RERE: variants seen among roughly 807,000 people sequenced by gnomAD.
RERE encodes the protein arginine-glutamic acid dipeptide repeats protein.
A neutral mutation model predicts 146.1 loss-of-function variants in RERE; 40 were observed. The observed-to-expected ratio is 0.27, with a 90% CI of 0.21 to 0.36. The LOEUF is 0.36. Ranked by LOEUF, RERE falls within the 10% of genes least tolerant of loss-of-function variation. The pLI, the probability that RERE is intolerant of heterozygous loss-of-function variation, is 1.00. For missense variants in RERE, 1,933 were observed against 2,138.7 expected (o/e 0.90, Z 1.90); for synonymous variants, 1,003 against 866.0 (o/e 1.16, Z -2.78).
In RERE at chr1:8,610,140, A is replaced by G. The variant is rs2124178691; in HGVS notation, c.522+4421T>C. Reference sequence around the variant, plus strand: ...TAATCTTAACTTTTAAATTATTTTCAACACCTAAGCAATCTACTGATTAGC... The same window carrying G: ...TAATCTTAACTTTTAAATTATTTTCGACACCTAAGCAATCTACTGATTAGC... On this transcript the variant is annotated intron_variant, in intron 4 of 22. Coordinates refer to ENST00000400908, the MANE Select transcript of RERE (RefSeq NM_001042681.2). 1.3e-5 allele frequency among the ~76,000 whole-genome samples: 2 copies of G among 152,322 alleles called. 1 individual carries two copies. Among genetic ancestry groups the G allele is most frequent in the South Asian group, 4.1e-4 (2 of 4,828 alleles).
At chr1:8,792,847 C>T (rs529232431) in intron 1 of RERE, among the ~76,000 whole-genome samples, 34 of 152,068 alleles carry the variant, frequency 2.2e-4, no homozygotes, top group African/African-American at 7.9e-4. Context: ...CTGTGAGGAT[C>T]GGATAGCGGA....
chr1:8,705,154 G>T (rs1234805873), intron 1 of RERE, among the ~76,000 whole-genome samples: 2 of 152,154 alleles, frequency 1.3e-5, no homozygotes, highest in Non-Finnish European at 2.9e-5. Context: ...CCAGTTTATA[G>T]TGAGTTGGAA....
chr1:8,786,217 G>A, intron 1 of RERE: 1 of 891,160 alleles, frequency 1.1e-6, no homozygotes, highest in Non-Finnish European at 1.8e-6. Context: ...CTTCTAAGAA[G>A]CCTGTGGATC....
intron 1 of RERE, among the ~76,000 whole-genome samples, chr1:8,668,623 A>G (rs1638631649): frequency 6.6e-6 from 1 of 152,258 alleles, no homozygotes; most frequent in Non-Finnish European, 1.5e-5. Context: ...TAAAATATCC[A>G]GCAATAAGAA....
At chr1:8,575,534 A>AATATATATATATAT (rs67724601) in intron 4 of RERE, among the ~76,000 whole-genome samples, 6 of 114,074 alleles carry the variant, frequency 5.3e-5, no homozygotes, top group African/African-American at 2.1e-4. Context: ...TGGCTAATTT[A>AATATATATATATAT]ATATATATAT....
intron 10 of RERE, among the ~76,000 whole-genome samples, chr1:8,489,079 T>A (rs1644942010): frequency 6.6e-6 from 1 of 152,070 alleles, no homozygotes; most frequent in South Asian, 2.1e-4. Context: ...GTGCGGTGGC[T>A]CATGTCTTAA....
At chr1:8,374,843 G>T (rs1642177858) in intron 12 of RERE, among the ~76,000 whole-genome samples, 1 of 152,112 alleles carries the variant, frequency 6.6e-6, no homozygotes, top group African/African-American at 2.4e-5. Context: ...GCACTCTCCT[G>T]CCTGCTGGGT....
At chr1:8,359,033 T>C in intron 19 of RERE, 117 bp from the exon 20 acceptor site, 1 of 1,299,972 alleles carries the variant, frequency 7.7e-7, no homozygotes, top group South Asian at 1.7e-5. Context: ...GCCAACCTGG[T>C]CCCTCCACGG....
intron 4 of RERE, among the ~76,000 whole-genome samples, chr1:8,600,323 C>T (rs577642971): frequency 6.6e-5 from 10 of 152,302 alleles, no homozygotes; most frequent in South Asian, 2.1e-4. Flanking sequence ...CACTTCAAGT[C>T]CTACAGATTA....
At chr1:8,509,396 TGAGCCATC>T (rs1645299699) in intron 7 of RERE, among the ~76,000 whole-genome samples, 2 of 146,062 alleles carry the variant, frequency 1.4e-5, no homozygotes, top group African/African-American at 5.2e-5. Flanking sequence ...GGACATATAC[TGAGCCATC>T]CATCCATCCA....
chr1:8,607,882 C>A (rs1432255174), intron 4 of RERE, among the ~76,000 whole-genome samples: 1 of 151,902 alleles, frequency 6.6e-6, no homozygotes, highest in Non-Finnish European at 1.5e-5. Flanking sequence ...CCCGCCACCA[C>A]GCCTGGCTAA....
chr1:8,650,753 T>G (rs1366740712), intron 2 of RERE, among the ~76,000 whole-genome samples: 1 of 151,874 alleles, frequency 6.6e-6, no homozygotes, highest in African/African-American at 2.4e-5. Flanking sequence ...AAAAATTAGC[T>G]GGGCATGGTG....
At chr1:8,500,951 A>G (rs953585296) in intron 8 of RERE, among the ~76,000 whole-genome samples, 1 of 139,610 alleles carries the variant, frequency 7.2e-6, no homozygotes, top group Non-Finnish European at 1.5e-5. Context: ...CCCGTCTGAG[A>G]AGTGAGGAGC....
At chr1:8,576,275 T>A (rs1646293700) in intron 4 of RERE, among the ~76,000 whole-genome samples, 1 of 151,572 alleles carries the variant, frequency 6.6e-6, no homozygotes, top group South Asian at 2.1e-4. Context: ...ATGGGGTGGG[T>A]TAGATAAAAG....
At chr1:8,610,970 G>A (rs1220552685) in intron 4 of RERE, among the ~76,000 whole-genome samples, 16 of 151,494 alleles carry the variant, frequency 1.1e-4, no homozygotes, top group Non-Finnish European at 1.6e-4. Context: ...CTAGGTGGGG[G>A]GATCATGAGG....
chr1:8,412,810 G>A (rs533990371), intron 12 of RERE, among the ~76,000 whole-genome samples: 1 of 152,308 alleles, frequency 6.6e-6, no homozygotes, highest in Admixed American at 6.5e-5. Context: ...GTTCACAGGG[G>A]TTTTCTGTCT....
Position 8,356,724 on chromosome 1 carries a change from C to T in RERE, c.4340-478G>A, listed in dbSNP as rs1329451897. 1.3e-5 allele frequency among the ~76,000 whole-genome samples: 2 copies of T among 152,158 alleles called. No individual in the cohort carries two copies. Among genetic ancestry groups the T allele is most frequent in the Non-Finnish European group, 2.9e-5 (2 of 68,012 alleles). On this transcript the variant is annotated intron_variant, in intron 20 of 22. Coordinates refer to ENST00000400908, the MANE Select transcript of RERE (RefSeq NM_001042681.2). The surrounding 1 kb of genome is among the most constrained non-coding windows in gnomAD (Gnocchi z 5.2). ...GGTGGCGCAGAATGGGGACCTGGCA[C>T]AGCACTGCCCTCTCCTCTCTGCTGG... is the stretch of plus-strand genomic sequence containing the variant.
intron 1 of RERE, among the ~76,000 whole-genome samples, chr1:8,717,701 T>C (rs528063040): frequency 6.6e-6 from 1 of 152,336 alleles, no homozygotes; most frequent in African/African-American, 2.4e-5. Context: ...GCTATCAGGA[T>C]AAACTTCGAA....
intron 8 of RERE, among the ~76,000 whole-genome samples, chr1:8,501,225 CCCGGCCGG>C (rs1300214682): frequency 8.1e-6 from 1 of 122,894 alleles, no homozygotes; most frequent in Non-Finnish European, 1.7e-5. Context: ...CAGCCCCCCG[CCCGGCCGG>C]CCGCCCCGTC....
Sources: allele counts gnomAD v4.1 joint callset (sites outside exome capture counted in the v4.1 genomes callset), GRCh38; gene constraint gnomAD v4.1.1; non-coding constraint Gnocchi (gnomAD v3.1); transcripts MANE v1.5; gene names NCBI Gene and HGNC (gene_info 2026-07-23, HGNC 2026-07-21).